The following CTNNA3 variants were observed in gnomAD, a reference collection of about 807,000 sequenced individuals.
CTNNA3 encodes the protein catenin alpha-3.
CTNNA3 carries 76 observed loss-of-function variants against 95.7 expected under a neutral mutation model. The ratio of observed to expected loss-of-function variants is 0.79; its 90% CI spans 0.66 to 0.96. The LOEUF (loss-of-function observed/expected upper bound fraction) is 0.96, where lower values mean the gene tolerates loss of function less well. Among genes scored for constraint, CTNNA3 ranks in the 40% least tolerant of loss-of-function variants. The pLI is 0.00. For synonymous variants in CTNNA3, 431 were observed against 374.4 expected (o/e 1.15, Z -1.74); for missense variants, 1,191 against 1,089.8 (o/e 1.09, Z -1.31).
chr10:66,536,200 A>G (rs1320465210), intron 10 of CTNNA3, among the ~76,000 whole-genome samples: 1 of 151,852 alleles, frequency 6.6e-6, no homozygotes, highest in Non-Finnish European at 1.5e-5. Flanking sequence ...AAATTAAAAA[A>G]GGTAATCCTT....
chr10:65,979,317 T>C (rs2078272199), intron 16 of CTNNA3, among the ~76,000 whole-genome samples: 1 of 152,138 alleles, frequency 6.6e-6, no homozygotes, highest in South Asian at 2.1e-4. Flanking sequence ...CAAGCTACTT[T>C]TCAGCTTTAT....
At chr10:66,470,536 G>T (rs1839089253) in intron 11 of CTNNA3, among the ~76,000 whole-genome samples, 1 of 151,916 alleles carries the variant, frequency 6.6e-6, no homozygotes, top group African/African-American at 2.4e-5. Context: ...GCATTTGAAT[G>T]AAGCATTCTA....
chr10:67,545,575 G>A (rs1034975629), intron 3 of CTNNA3, among the ~76,000 whole-genome samples: 2 of 152,038 alleles, frequency 1.3e-5, no homozygotes, highest in South Asian at 4.1e-4. Context: ...GTTAAGTTGG[G>A]TATGGAAGGA....
chr10:65,955,975 CTT>C (rs1210474459), intron 17 of CTNNA3, among the ~76,000 whole-genome samples: 1 of 152,152 alleles, frequency 6.6e-6, no homozygotes, highest in African/African-American at 2.4e-5. Context: ...ACTGGCTCCT[CTT>C]TGTGCCTCTG....
At chr10:66,013,896 A>T (rs531671622) in intron 15 of CTNNA3, among the ~76,000 whole-genome samples, 49 of 152,250 alleles carry the variant, frequency 3.2e-4, no homozygotes, top group African/African-American at 1.2e-3. Context: ...ATATGTTGAA[A>T]ACTGTGGATA....
chr10:67,311,601 G>T (rs1269675405), intron 5 of CTNNA3, among the ~76,000 whole-genome samples: 1 of 151,854 alleles, frequency 6.6e-6, no homozygotes, highest in African/African-American at 2.4e-5. Context: ...CATTAAAATG[G>T]GTGCATTTTA....
intron 1 of CTNNA3, among the ~76,000 whole-genome samples, chr10:67,738,571 G>A (rs933703154): frequency 2.0e-5 from 3 of 152,006 alleles, no homozygotes; most frequent in South Asian, 2.1e-4. Context: ...CACCACCAAC[G>A]GAACAAAGCT....
In CTNNA3 at chr10:67,472,152, A is replaced by T. The variant is rs80107819; in HGVS notation, c.579+49690T>A. 7.3e-3 allele frequency among the ~76,000 whole-genome samples: 1,114 copies of T among 152,356 alleles called. 18 individuals are homozygous for T. Among genetic ancestry groups the T allele is most frequent in the African/African-American group, 0.026 (1,065 of 41,580 alleles). The stretch of plus-strand genomic sequence containing the variant: ...CATAGATTCACTCATAAAGGAACTC[A>T]CAAACTTTTGAGAGAAGTTTGATTT... On this transcript the variant is annotated intron_variant, in intron 5 of 17. Coordinates refer to ENST00000433211, the MANE Select transcript of CTNNA3 (RefSeq NM_013266.4).
At chr10:66,261,764 C>T (rs2091009373) in intron 13 of CTNNA3, among the ~76,000 whole-genome samples, 1 of 151,966 alleles carries the variant, frequency 6.6e-6, no homozygotes. Flanking sequence ...TTCGGATCCC[C>T]AATTCCAGTG....
At chr10:66,262,011 C>G (rs2091017268) in intron 13 of CTNNA3, among the ~76,000 whole-genome samples, 2 of 151,988 alleles carry the variant, frequency 1.3e-5, no homozygotes, top group Non-Finnish European at 1.5e-5. Context: ...ACCTCTTTCT[C>G]TGCTGTAACC....
In CTNNA3 at chr10:66,188,585, G is replaced by A. The variant is rs201985712; in HGVS notation, c.1885-85336C>T. On this transcript the variant is annotated intron_variant, in intron 13 of 17. Transcript: ENST00000433211. The stretch of plus-strand genomic sequence containing the variant: ...CATTTTCTGTGTGTGTGTGGGGGGA[G>A]GGGGGGTCTCTGTGTGTGTGTGTGT... 1.9e-3 allele frequency among the ~76,000 whole-genome samples: 236 copies of A among 122,860 alleles called. 1 individual carries two copies. Among genetic ancestry groups the A allele is most frequent in the African/African-American group, 7.7e-3 (226 of 29,208 alleles). 80.6% of individuals were successfully genotyped at this position (122,860 alleles called of 152,430 possible).
intron 5 of CTNNA3, among the ~76,000 whole-genome samples, chr10:67,496,601 G>A (rs909888192): frequency 6.6e-6 from 1 of 152,040 alleles, no homozygotes; most frequent in Non-Finnish European, 1.5e-5. Context: ...ATTTCATATA[G>A]GTAACTGAAT....
At chr10:67,421,802 T>C (rs933494883) in intron 5 of CTNNA3, among the ~76,000 whole-genome samples, 2 of 152,160 alleles carry the variant, frequency 1.3e-5, no homozygotes, top group Admixed American at 6.6e-5. Flanking sequence ...TTCTGCATGT[T>C]ATATAAACTT....
chr10:66,259,059 C>T (rs1052355632), intron 13 of CTNNA3, among the ~76,000 whole-genome samples: 1 of 152,106 alleles, frequency 6.6e-6, no homozygotes, highest in Non-Finnish European at 1.5e-5. Context: ...TTCCTTGTTA[C>T]TCTTCTTTTA....
chr10:66,515,438 A>C (rs1170499518), intron 11 of CTNNA3, among the ~76,000 whole-genome samples: 3 of 152,012 alleles, frequency 2.0e-5, no homozygotes, highest in Non-Finnish European at 4.4e-5. Context: ...ATTTTCCCTA[A>C]GTAATTCACA....
chr10:67,721,903 T>C (rs988670881), intron 1 of CTNNA3, among the ~76,000 whole-genome samples: 1 of 152,154 alleles, frequency 6.6e-6, no homozygotes, highest in African/African-American at 2.4e-5. Context: ...GTTTTCCTTT[T>C]AACAGTCAGG....
At chr10:67,525,025 T>G (rs1840099364) in intron 4 of CTNNA3, among the ~76,000 whole-genome samples, 1 of 152,140 alleles carries the variant, frequency 6.6e-6, no homozygotes, top group South Asian at 2.1e-4. Flanking sequence ...TGGAGACAAG[T>G]TGGGGAAAGG....
chr10:66,385,604 A>G (rs2092883451), intron 11 of CTNNA3, among the ~76,000 whole-genome samples: 1 of 152,204 alleles, frequency 6.6e-6, no homozygotes, highest in African/African-American at 2.4e-5. Context: ...GGCCAGCATC[A>G]TCCTGATACC....
intron 7 of CTNNA3, among the ~76,000 whole-genome samples, chr10:67,080,858 C>A (rs1360333723): frequency 6.0e-5 from 9 of 150,136 alleles, no homozygotes; most frequent in African/African-American, 2.0e-4. Context: ...GCAGTGAGCC[C>A]AGATCTGGCC....
Sources: gnomAD v4.1 joint callset for allele counts (sites outside exome capture counted in the v4.1 genomes callset) on GRCh38, gnomAD v4.1.1 for gene constraint, MANE v1.5 for transcripts, NCBI Gene and HGNC (gene_info 2026-07-23, HGNC 2026-07-21) for gene names.